POSTN: variants seen among roughly 807,000 people sequenced by gnomAD.
POSTN encodes periostin.
POSTN carries 71 observed loss-of-function variants against 104.5 expected under a neutral mutation model. The ratio of observed to expected loss-of-function variants is 0.68; its 90% CI spans 0.56 to 0.83. The LOEUF is 0.83. Ranked by LOEUF, POSTN falls within the 40% of genes least tolerant of loss-of-function variation. POSTN has a pLI of 0.00. For synonymous variants in POSTN, 355 were observed against 340.7 expected (o/e 1.04, Z -0.46); for missense variants, 949 against 1,006.8 (o/e 0.94, Z 0.78).
At chr13:37,572,254 G>A (rs920641412) in intron 17 of POSTN, among the ~76,000 whole-genome samples, 4 of 151,584 alleles carry the variant, frequency 2.6e-5, no homozygotes, top group African/African-American at 7.2e-5. Context: ...ATAGTGGAAT[G>A]CAACTGTTGC....
At chr13:37,572,610 G>T (rs76974315) in intron 17 of POSTN, among the ~76,000 whole-genome samples, 7,892 of 151,552 alleles carry the variant, frequency 0.052, 360 homozygotes, top group Admixed American at 0.13. Context: ...TAAAAGAAGA[G>T]ATTTTCTCAA....
chr13:37,566,721 A>G (rs952767367), intron 21 of POSTN, among the ~76,000 whole-genome samples: 2 of 152,166 alleles, frequency 1.3e-5, no homozygotes, highest in Non-Finnish European at 2.9e-5. Context: ...TCCTTTCGAC[A>G]TAGTCTGTTA....
intron 18 of POSTN, 138 bp from the exon 19 acceptor site, chr13:37,570,807 A>G: frequency 1.6e-6 from 1 of 613,188 alleles, no homozygotes; most frequent in Non-Finnish European, 2.9e-6. Flanking sequence ...TTTTTAGAAC[A>G]TATCCCCCAA....
intron 9 of POSTN, 90 bp from the exon 10 acceptor site, chr13:37,582,604 T>A: frequency 8.4e-7 from 1 of 1,194,328 alleles, no homozygotes; most frequent in East Asian, 2.5e-5. Context: ...AAACAGATAA[T>A]CCCTGACATT....
Position 37,563,236 on chromosome 13 carries a change from T to C in POSTN, c.*97A>G. ...TTTGATGATTGCTTCTTTGTGCTGA[T>C]GTTTCAGTTCCTGAAGTCAACTTGG... On this transcript the variant is annotated 3_prime_UTR_variant, in exon 23 of 23. Transcript: ENST00000379747. 1 of 661,488 alleles carries C rather than the reference T, an allele frequency of 1.5e-6. No individual in the cohort carries two copies. The highest frequency in any genetic ancestry group is 2.6e-6 in the Non-Finnish European group (1 of 388,354). 41.0% of individuals were successfully genotyped at this position (661,488 alleles called of 1,614,324 possible). A position where few individuals can be genotyped will look rare whatever the true frequency, so the allele number is the denominator to read the frequency against.
chr13:37,586,322 AT>A (rs1950744580), intron 6 of POSTN, 42 bp from the exon 7 acceptor site: 1 of 1,575,564 alleles, frequency 6.3e-7, no homozygotes, highest in African/African-American at 1.4e-5. Context: ...CACATTGTAA[AT>A]CCAGAAAAAG....
chr13:37,597,442 G>C (rs1048557316), intron 1 of POSTN, among the ~76,000 whole-genome samples, 160 bp from the exon 2 acceptor site: 2 of 152,142 alleles, frequency 1.3e-5, no homozygotes, highest in East Asian at 3.9e-4. Context: ...CAATCCTACT[G>C]AATTGTTGAA....
rs1950550861 is a variant in POSTN, at chr13:37,580,555, G to A, written c.1529+6C>T. On this transcript the variant is annotated splice_donor_region_variant and intron_variant, in intron 11 of 22. Transcript: ENST00000379747. ...TTCTCTGTGGAGGTGCCACTAATAG[G>A]CTTACCTAAAGCGCTTATCTTGTTT... The A allele has an allele frequency of 3.7e-6, 6 of 1,613,738 alleles. No homozygotes were observed. Among genetic ancestry groups the A allele is most frequent in the Non-Finnish European group, 5.1e-6 (6 of 1,179,898 alleles).
chr13:37,596,060 C>A (rs114155129), intron 2 of POSTN, among the ~76,000 whole-genome samples: 1 of 152,062 alleles, frequency 6.6e-6, no homozygotes, highest in Non-Finnish European at 1.5e-5. Context: ...TCTCAGCCCC[C>A]CCAAAGTGCT....
Position 37,580,680 on chromosome 13 carries a change from A to G in POSTN, c.1410T>C (p.Asn470=), listed in dbSNP as rs751832956. The G allele has an allele frequency of 1.1e-5, 18 of 1,613,906 alleles. No individual in the cohort carries two copies. The East Asian group carries it at 1.3e-4, about 12-fold the overall frequency. ...FVYRTAVCIE[N]SCMEKGSKQG... is the part of the protein sequence containing the mutation. The stretch of plus-strand genomic sequence containing the variant: ...GCTTACTCCCTTTCTCCATGCATGA[A>G]TTTTCAATGCAGACAGCCTAGGAAA... The change falls in exon 11 of 23, where the codon AAT becomes AAC. Residue 470 remains asparagine, a synonymous_variant. Coordinates refer to ENST00000379747, the MANE Select transcript of POSTN (RefSeq NM_006475.3).
chr13:37,585,054 C>T (rs979154298), intron 7 of POSTN, 126 bp from the exon 8 acceptor site: 14 of 1,416,116 alleles, frequency 9.9e-6, no homozygotes, highest in South Asian at 3.0e-5. Context: ...GATTCACTAA[C>T]AGCTTTAAAA....
In POSTN at chr13:37,578,871, A is replaced by G. The variant is rs377621264; in HGVS notation, c.1935T>C (p.Asn645=). 12 of 1,587,686 alleles carry G rather than the reference A, an allele frequency of 7.6e-6. No individual in the cohort carries two copies. The highest frequency in any genetic ancestry group is 1.2e-5 in the South Asian group (1 of 84,816). ...TAATTTGGATGTATTTGATTAATTT[A>G]TTAAGTATTTCCAGCAGTTGATCAT... The part of the protein sequence containing the change: ...VGNDQLLEIL[N]KLIKYIQIKF... Residue 645 remains asparagine (N), a synonymous_variant, in exon 15 of 23, where the codon AAT becomes AAC. Coordinates refer to ENST00000379747, the MANE Select transcript of POSTN (RefSeq NM_006475.3).
intron 19 of POSTN, among the ~76,000 whole-genome samples, chr13:37,570,274 G>T (rs1415949401): frequency 1.3e-5 from 2 of 151,582 alleles, no homozygotes; most frequent in African/African-American, 2.4e-5. Flanking sequence ...TTCTTCTAGG[G>T]TCCTCTAACT....
intron 2 of POSTN, among the ~76,000 whole-genome samples, chr13:37,593,400 C>T (rs567577528): frequency 5.3e-5 from 8 of 151,006 alleles, no homozygotes; most frequent in African/African-American, 9.7e-5. Context: ...CCTATTTTAA[C>T]TCAAATTTTA....
intron 21 of POSTN, among the ~76,000 whole-genome samples, chr13:37,567,261 C>T (rs1481955374): frequency 9.1e-5 from 11 of 120,304 alleles, no homozygotes; most frequent in African/African-American, 3.7e-4. Context: ...AAATGTACTA[C>T]ATGTACCACA....
In POSTN at chr13:37,596,106, G is replaced by A. The variant is rs74242381; in HGVS notation, c.218+1078C>T. Among the ~76,000 whole-genome samples, 215 of 152,112 alleles carry A rather than the reference G, an allele frequency of 1.4e-3. 2 individuals are homozygous for A. The East Asian group carries it at 0.031, about 22-fold the overall frequency. ...GTGTGAGCCACCACTCCTGGCCCAT[G>A]TTTAGGATTTATACCAATATTATTA... On this transcript the variant is annotated intron_variant, in intron 2 of 22. Coordinates refer to ENST00000379747, the MANE Select transcript of POSTN (RefSeq NM_006475.3).
intron 7 of POSTN, 82 bp from the exon 8 acceptor site, chr13:37,585,010 A>G: frequency 6.5e-7 from 1 of 1,537,778 alleles, no homozygotes; most frequent in Non-Finnish European, 8.7e-7. Context: ...TCACTGTGGA[A>G]CTAAGTATTC....
Position 37,598,732 on chromosome 13 carries a change from G to A in POSTN, c.-6C>T. 1.2e-6 allele frequency: 2 copies of A among 1,612,318 alleles called. No individual in the cohort carries two copies. The highest frequency in any genetic ancestry group is 1.7e-6 in the Non-Finnish European group (2 of 1,178,700). On this transcript the variant is annotated 5_prime_UTR_variant, in exon 1 of 23. Coordinates refer to ENST00000379747, the MANE Select transcript of POSTN (RefSeq NM_006475.3). ...ATGGGTAAAAAGGGAATCATCTTGA[G>A]TCTCTCCGTTGCAGTTAGTCCCCGA...
Position 37,583,955 on chromosome 13 carries a change from T to G in POSTN, c.1243+14A>C. ...TGTAGGCAGAGAGCAGGAACAACAG[T>G]GTCCAGCACATACCAGAAAATGCAT... On this transcript the variant is annotated intron_variant, in intron 9 of 22. Transcript: ENST00000379747. 4.4e-6 allele frequency: 7 copies of G among 1,603,878 alleles called. No individual in the cohort carries two copies. Among genetic ancestry groups the G allele is most frequent in the Non-Finnish European group, 6.0e-6 (7 of 1,174,050 alleles).
Sources: gnomAD v4.1 joint callset for allele counts (sites outside exome capture counted in the v4.1 genomes callset) on GRCh38, gnomAD v4.1.1 for gene constraint, MANE v1.5 for transcripts, NCBI Gene and HGNC (gene_info 2026-07-23, HGNC 2026-07-21) for gene names.